STAU2: variants seen among roughly 807,000 people sequenced by gnomAD.
STAU2 encodes the protein staufen double-stranded RNA binding protein 2, also known as double-stranded RNA-binding protein Staufen homolog 2.
In STAU2, 20 loss-of-function variants were observed where a neutral mutation model predicts 65.9. The ratio of observed to expected loss-of-function variants is 0.30; its 90% CI spans 0.21 to 0.44. STAU2 has a LOEUF of 0.44. Among genes scored for constraint, STAU2 ranks in the 20% least tolerant of loss-of-function variants. The pLI is 1.00. For synonymous variants in STAU2, 232 were observed against 233.9 expected (o/e 0.99, Z 0.07); for missense variants, 558 against 683.9 (o/e 0.82, Z 2.05).
intron 13 of STAU2, among the ~76,000 whole-genome samples, chr8:73,436,229 T>C (rs1003796068): frequency 1.3e-5 from 2 of 151,680 alleles, no homozygotes; most frequent in Non-Finnish European, 2.9e-5. Context: ...ATTCTGAATA[T>C]TGGTTTTATT....
At chr8:73,447,332 TC>T (rs1369380583) in intron 13 of STAU2, among the ~76,000 whole-genome samples, 1 of 152,206 alleles carries the variant, frequency 6.6e-6, no homozygotes, top group Non-Finnish European at 1.5e-5. Context: ...AACTTTTTTT[TC>T]CCACATAATA....
At chr8:73,521,086 T>G (rs1412740309) in intron 13 of STAU2, among the ~76,000 whole-genome samples, 1 of 152,160 alleles carries the variant, frequency 6.6e-6, no homozygotes, top group Non-Finnish European at 1.5e-5. Flanking sequence ...ATAATGTATA[T>G]TGGGGTAATA....
chr8:73,697,637 T>C (rs992122425), intron 4 of STAU2, among the ~76,000 whole-genome samples: 2 of 152,086 alleles, frequency 1.3e-5, no homozygotes, highest in African/African-American at 4.8e-5. Flanking sequence ...CAAGAAATAG[T>C]GTAATAAGAC....
At chr8:73,561,506 T>C in intron 12 of STAU2, 2 of 454,512 alleles carry the variant, frequency 4.4e-6, no homozygotes, top group South Asian at 3.1e-5. Context: ...TGGTTATGAT[T>C]CTTCTCAGAA....
At chr8:73,546,123 C>CTT (rs71561528) in intron 13 of STAU2, among the ~76,000 whole-genome samples, 31,042 of 93,190 alleles carry the variant, frequency 0.33, 5,742 homozygotes, top group Non-Finnish European at 0.4. Flanking sequence ...GTTTGGTTTT[C>CTT]TTTTTTTTTT....
intron 9 of STAU2, among the ~76,000 whole-genome samples, chr8:73,608,110 A>G (rs1370209746): frequency 1.3e-5 from 2 of 152,202 alleles, no homozygotes; most frequent in African/African-American, 2.4e-5. Flanking sequence ...AAGAGTAAGA[A>G]AATTACTAAG....
intron 13 of STAU2, among the ~76,000 whole-genome samples, chr8:73,545,761 C>T (rs1339389302): frequency 6.6e-6 from 1 of 151,990 alleles, no homozygotes; most frequent in Non-Finnish European, 1.5e-5. Flanking sequence ...CATTCTGTTG[C>T]CTCAGCCTCC....
At chr8:73,669,029 T>C in intron 6 of STAU2, 1 of 661,872 alleles carries the variant, frequency 1.5e-6, no homozygotes, top group South Asian at 1.5e-5. Context: ...AAGCTAATGA[T>C]TAATCTGGGT....
intron 6 of STAU2, among the ~76,000 whole-genome samples, chr8:73,655,894 C>T (rs1460350950): frequency 2.6e-5 from 4 of 151,870 alleles, no homozygotes; most frequent in Non-Finnish European, 5.9e-5. Context: ...GTGATTCGCC[C>T]GCCTCGGCCT....
intron 13 of STAU2, among the ~76,000 whole-genome samples, chr8:73,530,074 G>A (rs763242495): frequency 2.0e-5 from 3 of 152,084 alleles, no homozygotes; most frequent in Non-Finnish European, 4.4e-5. Context: ...TCTTGACTGC[G>A]AGGACAAAGG....
chr8:73,747,339 G>A (rs1807359605), upstream of STAU2: 1 of 1,528,026 alleles, frequency 6.5e-7, no homozygotes, highest in Non-Finnish European at 8.8e-7. Flanking sequence ...CCGACTGACC[G>A]TCTGCTCTTT....
intron 13 of STAU2, among the ~76,000 whole-genome samples, chr8:73,506,472 A>G (rs1411245646): frequency 6.6e-6 from 1 of 152,142 alleles, no homozygotes; most frequent in African/African-American, 2.4e-5. Context: ...ACTCCAGTCT[A>G]TTAAGTGTGC....
chr8:73,639,540 C>T lies in STAU2; in HGVS notation c.411-22089G>A, dbSNP rs373684379. On this transcript the variant is annotated intron_variant, in intron 6 of 14. Transcript: ENST00000524300. Reference sequence around the variant, plus strand: ...AATAGTAAGGTGCTAATGAGCCGTACTTGGTACCCTCATGCTCGACAACCT... The same window carrying T: ...AATAGTAAGGTGCTAATGAGCCGTATTTGGTACCCTCATGCTCGACAACCT... Among the ~76,000 whole-genome samples, 13 of 152,230 alleles carry T rather than the reference C, an allele frequency of 8.5e-5. No individual in the cohort carries two copies. In the South Asian group the frequency reaches 2.7e-3, roughly 32 times the overall value.
At chr8:73,433,526 A>T (rs1438623197) in intron 13 of STAU2, among the ~76,000 whole-genome samples, 5 of 131,856 alleles carry the variant, frequency 3.8e-5, no homozygotes, top group African/African-American at 6.1e-5. Context: ...TTTTTGACAG[A>T]GTCTGGCTCT....
intron 4 of STAU2, among the ~76,000 whole-genome samples, chr8:73,693,155 T>C (rs1161573989): frequency 6.6e-6 from 1 of 150,958 alleles, no homozygotes. Flanking sequence ...AGCAAGACCC[T>C]ATCTCGGAAA....
At chr8:73,467,058 T>C (rs1314013405) in intron 13 of STAU2, among the ~76,000 whole-genome samples, 1 of 152,238 alleles carries the variant, frequency 6.6e-6, no homozygotes, top group African/African-American at 2.4e-5. Flanking sequence ...TGAGTTCCTA[T>C]AGAATATGCA....
At chr8:73,649,968 A>G (rs972337319) in intron 6 of STAU2, among the ~76,000 whole-genome samples, 2 of 147,516 alleles carry the variant, frequency 1.4e-5, no homozygotes, top group Admixed American at 1.4e-4. Flanking sequence ...TAACATTAGC[A>G]ACTGACAAAA....
intron 4 of STAU2, among the ~76,000 whole-genome samples, chr8:73,701,180 C>T (rs990149355): frequency 2.6e-5 from 4 of 151,858 alleles, no homozygotes; most frequent in Non-Finnish European, 4.4e-5. Flanking sequence ...TATTACAAGA[C>T]GACATTAAGG....
Position 73,660,416 on chromosome 8 carries a change from G to A in STAU2, c.410+12691C>T, listed in dbSNP as rs530853364. ...TGCACTCCAGCCTGGGTGACAGAGC[G>A]AGACACCGGCTCAGGACCAAGATTA... is the stretch of plus-strand genomic sequence containing the variant. On this transcript the variant is annotated intron_variant, in intron 6 of 14. Coordinates refer to ENST00000524300, the MANE Select transcript of STAU2 (RefSeq NM_001164380.2). Among the ~76,000 whole-genome samples, 7 of 152,278 alleles carry A rather than the reference G, an allele frequency of 4.6e-5. No individual in the cohort carries two copies. In the South Asian group the frequency reaches 1.2e-3, roughly 27 times the overall value.
Sources: allele counts gnomAD v4.1 joint callset (sites outside exome capture counted in the v4.1 genomes callset), GRCh38; gene constraint gnomAD v4.1.1; transcripts MANE v1.5; gene names NCBI Gene and HGNC (gene_info 2026-07-23, HGNC 2026-07-21).